The following EIF2B5 variants were observed in gnomAD, a reference collection of about 807,000 sequenced individuals.
EIF2B5 encodes translation initiation factor eIF2B subunit epsilon.
Under a neutral mutation model 87.3 loss-of-function variants are expected in EIF2B5, and 38 were observed. That is an observed-to-expected ratio of 0.44 (90% CI 0.34 to 0.57). The LOEUF is 0.57. Ranked by LOEUF, EIF2B5 falls within the 20% of genes least tolerant of loss-of-function variation. The probability of loss-of-function intolerance (pLI) is 0.02; values close to 1 mark genes in which losing one functional copy is unlikely to be tolerated. For missense variants in EIF2B5, 784 were observed against 909.5 expected, an observed-to-expected ratio of 0.86 and a Z score of 1.78; for synonymous variants, 313 against 339.6, an observed-to-expected ratio of 0.92 and a Z score of 0.86.
intron 2 of EIF2B5, chr3:184,137,167 C>T: frequency 3.0e-6 from 1 of 337,976 alleles, no homozygotes; most frequent in South Asian, 2.6e-5. Flanking sequence ...TGAGCACTTA[C>T]ATGTTTGTTG....
intron 2 of EIF2B5, 29 bp from the exon 3 acceptor site, chr3:184,137,591 C>A: frequency 6.2e-7 from 1 of 1,606,590 alleles, no homozygotes; most frequent in Middle Eastern, 1.7e-4. Flanking sequence ...GCTTGATACA[C>A]TCATTCCCCT....
At chr3:184,137,472 T>C in intron 2 of EIF2B5, 148 bp from the exon 3 acceptor site, 3 of 742,588 alleles carry the variant, frequency 4.0e-6, no homozygotes, top group East Asian at 5.3e-5. Flanking sequence ...TTATAGTTCA[T>C]AATACTCTTT....
intron 5 of EIF2B5, among the ~76,000 whole-genome samples, chr3:184,139,246 C>T (rs1713506679): frequency 1.4e-5 from 2 of 144,248 alleles, no homozygotes; most frequent in South Asian, 2.2e-4. Flanking sequence ...GCTGCAATCA[C>T]AGGTGTGAGC....
Position 184,144,110 on chromosome 3 carries a change from C to CT in EIF2B5, c.1882dup (p.Trp628LeufsTer6). On this transcript the variant is annotated frameshift_variant, in exon 14 of 16. Transcript: ENST00000648915. LOFTEE classifies it high-confidence loss of function. ...TCTTTCTTCCATAGCTGCTAAAGGC[C>CT]TGGAGCCCTGTTTTTAGGAACTACA... is the stretch of plus-strand genomic sequence containing the variant. 6.2e-7 allele frequency: 1 copy of CT among 1,614,220 alleles called. No homozygotes were observed. Among genetic ancestry groups the CT allele is most frequent in the Non-Finnish European group, 8.5e-7 (1 of 1,180,042 alleles).
chr3:184,142,180 T>A lies in EIF2B5; in HGVS notation c.1303-57T>A. 7 of 1,614,046 alleles carry A rather than the reference T, an allele frequency of 4.3e-6. No individual in the cohort carries two copies. The South Asian group carries it at 7.7e-5, about 18-fold the overall frequency. On this transcript the variant is annotated intron_variant, in intron 8 of 15. Transcript: ENST00000648915. The surrounding 1 kb of genome is among the most constrained non-coding windows in gnomAD (Gnocchi z 5.0). ...TCCTGTCTAAAAAAGTTGCTCTCAT[T>A]ATCAGGATGCACTTTTCCTCCACAC...
chr3:184,141,701 G>C (rs374819486), intron 7 of EIF2B5, among the ~76,000 whole-genome samples: 1 of 152,114 alleles, frequency 6.6e-6, no homozygotes, highest in African/African-American at 2.4e-5. Flanking sequence ...GAAGGTTCTC[G>C]GGTTCTTAAG....
chr3:184,135,979 G>C (rs1357232621), intron 1 of EIF2B5: 1 of 256,704 alleles, frequency 3.9e-6, no homozygotes, highest in Non-Finnish European at 7.6e-6. Flanking sequence ...GAGCGGGCTA[G>C]ATCTCAGGCA....
Position 184,142,560 on chromosome 3 carries a change from C to T in EIF2B5, c.1503C>T (p.Gly501=). The change falls in exon 10 of 16, where the codon GGC becomes GGT. Residue 501 remains glycine, a synonymous_variant. Transcript: ENST00000648915. This position sits in a 1 kb window ranked among gnomAD's most constrained non-coding sequence, Gnocchi z 5.0. ...AGKGYLWKAA[G]MNMEEEEELQ... The stretch of plus-strand genomic sequence containing the variant: ...AGGGCTACCTCTGGAAAGCTGCAGG[C>T]ATGAACATGGAGGAAGAGGAGGAAC... The T allele has an allele frequency of 1.9e-6, 3 of 1,614,094 alleles. No homozygotes were observed. The highest frequency in any genetic ancestry group is 2.5e-6 in the Non-Finnish European group (3 of 1,180,012).
In EIF2B5 at chr3:184,142,220, G is replaced by T. The variant is rs1475072196; in HGVS notation, c.1303-17G>T. On this transcript the variant is annotated splice_polypyrimidine_tract_variant and intron_variant, in intron 8 of 15. Coordinates refer to ENST00000648915, the MANE Select transcript of EIF2B5 (RefSeq NM_003907.3). This position sits in a 1 kb window ranked among gnomAD's most constrained non-coding sequence, Gnocchi z 5.0. ...TTCCTCCACACCCTAATGGTTCTGT[G>T]TTTTTTTTCCCCTTAGGTGGTCGTG... 3.7e-6 allele frequency: 6 copies of T among 1,613,708 alleles called. No homozygotes were observed. The Admixed American group carries it at 6.7e-5, about 18-fold the overall frequency.
rs377550975 is a variant in EIF2B5 at position 184,143,125 on chromosome 3, G to A, written c.1728G>A (p.Leu576=). The part of the protein sequence containing the change: ...EENISCDNLV[L]EINSLKYAYN... The stretch of plus-strand genomic sequence containing the variant: ...ACATTTCTTGTGACAATCTCGTCCT[G>A]GAAATCAACTCTCTCAAGTAAGAGC... The change falls in exon 12 of 16, where the codon CTG becomes CTA. Residue 576 remains leucine, a synonymous_variant. Coordinates refer to ENST00000648915, the MANE Select transcript of EIF2B5 (RefSeq NM_003907.3). The A allele has an allele frequency of 2.5e-5, 41 of 1,613,620 alleles. No homozygotes were observed. The East Asian group carries it at 3.6e-4, about 14-fold the overall frequency.
rs766004648 is a variant in EIF2B5, at chr3:184,137,651, A to C, written c.352A>C (p.Asn118His). 10 of 1,613,992 alleles carry C rather than the reference A, an allele frequency of 6.2e-6. No individual in the cohort carries two copies. The South Asian group carries it at 8.8e-5, about 14-fold the overall frequency. ...AAAGTGGTGCCGCCCTACATCTCTC[A>C]ATGTGGTTCGAATAATTACATCAGA... ...KSKWCRPTSL[N>H]VVRIITSELY... is the part of the protein sequence containing the mutation. The change falls in exon 3 of 16, where the codon AAT becomes CAT. Residue 118 changes from asparagine (N) to histidine (H), a missense_variant. By Grantham distance (68) the Asn-to-His change is moderately conservative (BLOSUM62 1). Transcript: ENST00000648915.
At position 184,142,315 on chromosome 3, in the gene EIF2B5, G is replaced by C. The variant is rs1277741137; in HGVS notation, c.1381G>C (p.Asp461His). 3 of 1,614,140 alleles carry C rather than the reference G, an allele frequency of 1.9e-6. No homozygotes were observed. Among genetic ancestry groups the C allele is most frequent in the Non-Finnish European group, 1.7e-6 (2 of 1,180,022 alleles). Residue 461 changes from aspartate (D) to histidine (H), a missense_variant, in exon 9 of 16, where the codon GAT becomes CAT. By Grantham distance (81) the Asp-to-His change is moderately conservative (BLOSUM62 -1). Around this residue, in one of 3 missense-constraint regions of EIF2B5, gnomAD observed 660 missense variants for 789.5 expected, o/e 0.84. Transcript: ENST00000648915. The surrounding 1 kb of genome is among the most constrained non-coding windows in gnomAD (Gnocchi z 5.0). ...CCCTCCAGATGCAGAGGAAGATGAA[G>C]ATGATGGCGAGTTCAGTGATGATTC... is the stretch of plus-strand genomic sequence containing the variant. The part of the protein sequence containing the change: ...LHPPDAEEDE[D>H]DGEFSDDSGA...
rs752385178 is a variant in EIF2B5, at chr3:184,137,668, T to A, written c.369T>A (p.Ile123=). The A allele has an allele frequency of 1.5e-5, 25 of 1,614,082 alleles. No individual in the cohort carries two copies. In the South Asian group the frequency reaches 2.5e-4, roughly 16 times the overall value. Residue 123 remains isoleucine, a synonymous_variant, in exon 3 of 16, where the codon ATT becomes ATA. Coordinates refer to ENST00000648915, the MANE Select transcript of EIF2B5 (RefSeq NM_003907.3). ...RPTSLNVVRI[I]TSELYRSLGD... Reference sequence around the variant, plus strand: ...CATCTCTCAATGTGGTTCGAATAATTACATCAGAGCTCTATCGATCACTGG... The same window carrying A: ...CATCTCTCAATGTGGTTCGAATAATAACATCAGAGCTCTATCGATCACTGG...
At chr3:184,135,673 G>A (rs935590474) in intron 1 of EIF2B5, 93 bp downstream of exon 1, 4 of 1,478,954 alleles carry the variant, frequency 2.7e-6, no homozygotes, top group African/African-American at 2.8e-5. Context: ...GCATGCCCTT[G>A]AAGGACCTGC....
At chr3:184,144,552 G>A in intron 14 of EIF2B5, 45 bp from the exon 15 acceptor site, 1 of 1,556,638 alleles carries the variant, frequency 6.4e-7, no homozygotes, top group South Asian at 1.1e-5. Context: ...GTATCCTGCT[G>A]GACTTTCCAA....
intron 1 of EIF2B5, 25 bp from the exon 2 acceptor site, chr3:184,136,587 T>G (rs1263426257): frequency 6.2e-7 from 1 of 1,613,270 alleles, no homozygotes; most frequent in Non-Finnish European, 8.5e-7. Flanking sequence ...AGACCTCAAG[T>G]TTTTTTTCAT....
rs190103194 is a variant in EIF2B5, at chr3:184,143,182, G to A, written c.1745+40G>A. 6.0e-5 allele frequency: 96 copies of A among 1,600,172 alleles called. No individual in the cohort carries two copies. In the African/African-American group the frequency reaches 8.0e-4, roughly 13 times the overall value. On this transcript the variant is annotated intron_variant, in intron 12 of 15. Coordinates refer to ENST00000648915, the MANE Select transcript of EIF2B5 (RefSeq NM_003907.3). ...TCCCTGTTCTCCTCGGGGTGATCCCGGGAAGGTAGAGGCTTTCTCGTAAGT... is the reference window on the plus strand; with the variant it reads ...TCCCTGTTCTCCTCGGGGTGATCCCAGGAAGGTAGAGGCTTTCTCGTAAGT...
intron 14 of EIF2B5, 36 bp from the exon 15 acceptor site, chr3:184,144,561 A>G (rs2109012143): frequency 1.3e-6 from 2 of 1,589,632 alleles, no homozygotes; most frequent in South Asian, 2.2e-5. Flanking sequence ...TGGACTTTCC[A>G]AGGCCCCTGA....
intron 5 of EIF2B5, among the ~76,000 whole-genome samples, chr3:184,139,313 C>T (rs1713515355): frequency 9.5e-6 from 1 of 104,776 alleles, no homozygotes. Flanking sequence ...CGGAGTTTCA[C>T]TCTTGTTGCC....
Sources: gnomAD v4.1 joint callset for allele counts (sites outside exome capture counted in the v4.1 genomes callset) on GRCh38, gnomAD v4.1.1 for gene constraint, gnomAD v4.1.1 regional missense constraint, Gnocchi (gnomAD v3.1) non-coding constraint, MANE v1.5 for transcripts, NCBI Gene and HGNC (gene_info 2026-07-23, HGNC 2026-07-21) for gene names.